XPO4: variants seen among roughly 807,000 people sequenced by gnomAD.
XPO4 encodes the protein exportin 4.
XPO4 carries 39 observed loss-of-function variants against 143.0 expected under a neutral mutation model. That is an observed-to-expected ratio of 0.27 (90% confidence interval 0.21 to 0.36). XPO4 has a LOEUF of 0.36. XPO4 is among the 10% of genes least tolerant of loss of function. XPO4 has a pLI of 1.00. For missense variants in XPO4, 907 were observed against 1,348.0 expected (o/e 0.67, Z 5.12); for synonymous variants, 439 against 474.0 (o/e 0.93, Z 0.96).
chr13:20,824,054 A>T (rs1335177751), intron 7 of XPO4, among the ~76,000 whole-genome samples: 1 of 152,266 alleles, frequency 6.6e-6, no homozygotes, highest in African/African-American at 2.4e-5. Context: ...GCAGTGTTGA[A>T]TATGAACATA....
At chr13:20,887,571 A>G (rs1168455812) in intron 1 of XPO4, among the ~76,000 whole-genome samples, 6 of 152,144 alleles carry the variant, frequency 3.9e-5, no homozygotes, top group Non-Finnish European at 8.8e-5. Flanking sequence ...GAAAATAAAC[A>G]AGGTTGAGCA....
intron 1 of XPO4, among the ~76,000 whole-genome samples, chr13:20,889,255 T>C (rs1330885168): frequency 6.6e-6 from 1 of 152,236 alleles, no homozygotes; most frequent in African/African-American, 2.4e-5. Flanking sequence ...ATTATCACAT[T>C]GCAAAACACA....
At position 20,850,843 on chromosome 13, in the gene XPO4, G is replaced by A. The variant is rs963738912; in HGVS notation, c.456+4784C>T. 10 of 985,290 alleles carry A rather than the reference G, an allele frequency of 1.0e-5. No homozygotes were observed. In the African/African-American group the frequency reaches 1.6e-4, roughly 15 times the overall value. 61.0% of individuals were successfully genotyped at this position (985,290 alleles called of 1,614,324 possible). On this transcript the variant is annotated intron_variant, in intron 4 of 22. Transcript: ENST00000255305. Reference sequence around the variant, plus strand: ...AAAGCCAGACTACATACAGTTTCTGGCCAATGAAGGTTGATGGAAATGTCC... The same window carrying A: ...AAAGCCAGACTACATACAGTTTCTGACCAATGAAGGTTGATGGAAATGTCC...
In XPO4 at chr13:20,796,266, A is replaced by C. The variant is rs758219194; in HGVS notation, c.2617-10T>G. The C allele has an allele frequency of 6.4e-7, 1 of 1,554,940 alleles. No individual in the cohort carries two copies. Among genetic ancestry groups the C allele is most frequent in the African/African-American group, 1.4e-5 (1 of 72,742 alleles). On this transcript the variant is annotated splice_polypyrimidine_tract_variant and intron_variant, in intron 17 of 22. Coordinates refer to ENST00000255305, the MANE Select transcript of XPO4 (RefSeq NM_022459.5). Reference sequence around the variant, plus strand: ...AGTTCATAGCTTTGGACTGAAAAAAAAAAAAATGCACAAATTATGCTACTT... The same window carrying C: ...AGTTCATAGCTTTGGACTGAAAAAACAAAAAATGCACAAATTATGCTACTT...
chr13:20,789,608 C>T (rs1436935623), intron 19 of XPO4, among the ~76,000 whole-genome samples: 1 of 151,308 alleles, frequency 6.6e-6, no homozygotes, highest in Non-Finnish European at 1.5e-5. Flanking sequence ...CGGGGTTTCA[C>T]CATGTTAGCC....
intron 13 of XPO4, among the ~76,000 whole-genome samples, 167 bp downstream of exon 13, chr13:20,807,290 A>G (rs1299171891): frequency 1.3e-5 from 2 of 152,204 alleles, no homozygotes; most frequent in Non-Finnish European, 2.9e-5. Context: ...CTGCCTAAAT[A>G]TACTGAGTAC....
In XPO4 at chr13:20,803,251, A is replaced by G. The variant is rs1443667606; in HGVS notation, c.1818-2261T>C. Among the ~76,000 whole-genome samples, 1 of 152,234 alleles carries G rather than the reference A, an allele frequency of 6.6e-6. No homozygotes were observed. The highest frequency in any genetic ancestry group is 1.5e-5 in the Non-Finnish European group (1 of 68,038). ...TCTTGTTATTTAATGCAAAGGACTG[A>G]AACCTGCTAACTGTCCACTCACTAG... On this transcript the variant is annotated intron_variant, in intron 13 of 22. Transcript: ENST00000255305. This position sits in a 1 kb window ranked among gnomAD's most constrained non-coding sequence, Gnocchi z 4.1.
At chr13:20,818,616 T>C (rs1294683967) in intron 9 of XPO4, among the ~76,000 whole-genome samples, 1 of 152,178 alleles carries the variant, frequency 6.6e-6, no homozygotes, top group Non-Finnish European at 1.5e-5. Flanking sequence ...ATTACAATTA[T>C]AAAAATCATT....
At chr13:20,859,610 C>G (rs1273439094) in intron 3 of XPO4, among the ~76,000 whole-genome samples, 1 of 145,366 alleles carries the variant, frequency 6.9e-6, no homozygotes, top group Non-Finnish European at 1.5e-5. Context: ...AAAAAACAAA[C>G]CAAAAAAAAT....
At chr13:20,820,182 C>CTG (rs1306425815) in intron 9 of XPO4, among the ~76,000 whole-genome samples, 1 of 152,246 alleles carries the variant, frequency 6.6e-6, no homozygotes, top group African/African-American at 2.4e-5. Context: ...AGCACGCCTG[C>CTG]TGTGAAATAA....
intron 6 of XPO4, among the ~76,000 whole-genome samples, chr13:20,841,168 G>A (rs1234167707): frequency 6.6e-6 from 1 of 151,958 alleles, no homozygotes; most frequent in East Asian, 1.9e-4. Context: ...TTAATATTTT[G>A]ATAGCTCCAT....
intron 13 of XPO4, among the ~76,000 whole-genome samples, chr13:20,802,151 G>T (rs1258322749): frequency 6.6e-6 from 1 of 151,906 alleles, no homozygotes; most frequent in African/African-American, 2.4e-5. Context: ...TTAACTTTTT[G>T]GGTTCAAGTG....
intron 1 of XPO4, among the ~76,000 whole-genome samples, chr13:20,882,407 C>A (rs1274053439): frequency 6.6e-6 from 1 of 151,990 alleles, no homozygotes; most frequent in Non-Finnish European, 1.5e-5. Context: ...AGAAAGAAAG[C>A]AAGTGGGGGG....
At position 20,808,525 on chromosome 13, in the gene XPO4, T is replaced by A; in HGVS notation, c.1550A>T (p.Gln517Leu). Residue 517 changes from glutamine to leucine, a missense_variant, in exon 12 of 23, where the codon CAG (glutamine) becomes CTG (leucine). Physicochemically the swap from Gln to Leu is moderately radical, Grantham distance 113. Transcript: ENST00000255305. ...LHGQLQRHQQ[Q>L]LLASPGSSTV... ...GCTTGAACCCGGTGAAGCAAGTAAC[T>A]GTTGCTGATGTCGTTGTAACTGACC... The A allele has an allele frequency of 6.3e-7, 1 of 1,574,972 alleles. No individual in the cohort carries two copies. Among genetic ancestry groups the A allele is most frequent in the Non-Finnish European group, 8.7e-7 (1 of 1,151,478 alleles).
chr13:20,861,860 C>G (rs990621012), intron 3 of XPO4, among the ~76,000 whole-genome samples: 1 of 141,636 alleles, frequency 7.1e-6, no homozygotes, highest in Admixed American at 7.5e-5. Context: ...ATGATCTCGG[C>G]TCACTGCAAC....
chr13:20,802,186 T>C (rs2059442974), intron 13 of XPO4, among the ~76,000 whole-genome samples: 1 of 152,086 alleles, frequency 6.6e-6, no homozygotes, highest in Non-Finnish European at 1.5e-5. Flanking sequence ...GTTTCCCAAG[T>C]AGCTGGGACT....
chr13:20,851,744 A>C, intron 4 of XPO4: 1 of 978,688 alleles, frequency 1.0e-6, no homozygotes, highest in Non-Finnish European at 1.2e-6. Flanking sequence ...AGAAAGAAAG[A>C]AAGAAAGACA....
intron 1 of XPO4, among the ~76,000 whole-genome samples, chr13:20,880,461 A>G (rs1012754368): frequency 2.6e-5 from 4 of 152,118 alleles, no homozygotes; most frequent in Admixed American, 2.0e-4. Flanking sequence ...AAAAAAAGGA[A>G]CAGCCACTAG....
At chr13:20,862,682 A>C in intron 3 of XPO4, 35 bp downstream of exon 3, 1 of 1,612,560 alleles carries the variant, frequency 6.2e-7, no homozygotes, top group Non-Finnish European at 8.5e-7. Flanking sequence ...TAAGCTCAGC[A>C]AAAGTATTTC....
Sources: allele counts gnomAD v4.1 joint callset (sites outside exome capture counted in the v4.1 genomes callset), GRCh38; gene constraint gnomAD v4.1.1; non-coding constraint Gnocchi (gnomAD v3.1); transcripts MANE v1.5; gene names NCBI Gene and HGNC (gene_info 2026-07-23, HGNC 2026-07-21).